Variants in GTF3C2 observed in about 807,000 individuals in gnomAD.
GTF3C2 encodes the protein general transcription factor 3C polypeptide 2.
Under a neutral mutation model 117.4 loss-of-function variants are expected in GTF3C2, and 17 were observed. The observed-to-expected ratio is 0.14, with a 90% CI of 0.10 to 0.22. GTF3C2 has a LOEUF of 0.22. Ranked by LOEUF, GTF3C2 falls within the 10% of genes least tolerant of loss-of-function variation. The pLI is 1.00. For missense variants in GTF3C2, 888 were observed against 1,143.6 expected (o/e 0.78, Z 3.22); for synonymous variants, 437 against 427.0 (o/e 1.02, Z -0.29).
chr2:27,350,140 G>T (rs902481029), intron 1 of GTF3C2, among the ~76,000 whole-genome samples: 2 of 151,888 alleles, frequency 1.3e-5, no homozygotes, highest in Admixed American at 1.3e-4. Context: ...CCCCATATTG[G>T]CTCAGTTGCA....
intron 1 of GTF3C2, among the ~76,000 whole-genome samples, chr2:27,350,941 T>A (rs548855912): frequency 7.5e-6 from 1 of 133,988 alleles, no homozygotes; most frequent in Non-Finnish European, 1.5e-5. Context: ...ACAGCAAGAC[T>A]CCATCTCAAA....
At chr2:27,331,601 C>T (rs774029089) in intron 12 of GTF3C2, among the ~76,000 whole-genome samples, 18 of 151,872 alleles carry the variant, frequency 1.2e-4, no homozygotes, top group Non-Finnish European at 2.4e-4. Flanking sequence ...CTGGGATTAC[C>T]GACATGAGCC....
intron 15 of GTF3C2, 29 bp downstream of exon 15, chr2:27,328,815 T>C (rs1242641074): frequency 6.5e-7 from 1 of 1,531,866 alleles, no homozygotes; most frequent in South Asian, 1.1e-5. Flanking sequence ...TCCTTTGTAA[T>C]GAAGACTGCA....
intron 12 of GTF3C2, 186 bp downstream of exon 12, chr2:27,333,467 ACT>A: frequency 3.7e-6 from 2 of 545,636 alleles, no homozygotes; most frequent in Non-Finnish European, 6.5e-6. Context: ...GCATCTATGT[ACT>A]CTTAATTTTT....
intron 1 of GTF3C2, among the ~76,000 whole-genome samples, chr2:27,350,137 T>C (rs552723322): frequency 1.3e-5 from 2 of 152,094 alleles, no homozygotes; most frequent in Non-Finnish European, 2.9e-5. Flanking sequence ...TCCCCCCATA[T>C]TGGCTCAGTT....
Position 27,340,787 on chromosome 2 carries a change from A to AT in GTF3C2, c.855+1160dup, listed in dbSNP as rs1181361973. On this transcript the variant is annotated intron_variant, in intron 4 of 18. Transcript: ENST00000264720. Reference sequence around the variant, plus strand: ...AGGCGTGCGCCACCACATCCAGCTAATTTTTTTTTTTTTTATTTTTAGTAG... The same window carrying AT: ...AGGCGTGCGCCACCACATCCAGCTAATTTTTTTTTTTTTTTATTTTTAGTAG... 2.0e-3 allele frequency: 290 copies of AT among 143,566 alleles called. 1 individual carries two copies. Among genetic ancestry groups the AT allele is most frequent in the South Asian group, 7.5e-3 (34 of 4,528 alleles). The allele number at this position is 143,566 out of a possible 1,614,324, so 8.9% of individuals were successfully genotyped here.
chr2:27,326,806 G>A (rs762940062), exon 19 of GTF3C2: 3 of 1,613,556 alleles, frequency 1.9e-6, no homozygotes, highest in Non-Finnish European at 2.5e-6. Flanking sequence ...GGGGAGGCGA[G>A]TCCACGGACA....
intron 10 of GTF3C2, 70 bp downstream of exon 10, chr2:27,335,528 G>A (rs1680433797): frequency 5.7e-6 from 5 of 883,278 alleles, no homozygotes; most frequent in South Asian, 1.4e-5. Context: ...AGTTTCCAGG[G>A]AGACAGACAG....
intron 7 of GTF3C2, 124 bp from the exon 8 acceptor site, chr2:27,336,549 T>G (rs775783334): frequency 6.4e-6 from 4 of 626,828 alleles, no homozygotes; most frequent in African/African-American, 1.8e-5. Flanking sequence ...CAAAAACAGT[T>G]TACAAGTGAG....
chr2:27,342,203 T>C, exon 4 of GTF3C2: 1 of 1,613,082 alleles, frequency 6.2e-7, no homozygotes. Flanking sequence ...TTGAGAGCTC[T>C]TCAGCCAGTT....
Position 27,327,926 on chromosome 2 carries a change from G to A in GTF3C2, c.2409+111C>T, listed in dbSNP as rs114627017. The A allele has an allele frequency of 2.2e-3, 1,875 of 855,870 alleles. 20 individuals carry two copies. The African/African-American group carries it at 0.029, about 13-fold the overall frequency. 53.0% of individuals were successfully genotyped at this position (855,870 alleles called of 1,614,324 possible). A position where few individuals can be genotyped will look rare whatever the true frequency, so the allele number is the denominator to read the frequency against. ...CAGGCATGAGCCACTGCACCTGGCC[G>A]AGGCTCCTTAGTTTTACATCTTTGT... On this transcript the variant is annotated intron_variant, in intron 17 of 18. Transcript: ENST00000264720.
chr2:27,326,933 G>A, intron 18 of GTF3C2, 40 bp from the exon 19 acceptor site: 2 of 1,370,244 alleles, frequency 1.5e-6, no homozygotes, highest in East Asian at 2.3e-5. Context: ...ATGCTCATGG[G>A]TGGTGCTTTA....
intron 17 of GTF3C2, 67 bp from the exon 18 acceptor site, chr2:27,327,351 C>G (rs1680115130): frequency 2.5e-6 from 2 of 796,068 alleles, no homozygotes; most frequent in Non-Finnish European, 4.2e-6. Flanking sequence ...AAGACGGAGT[C>G]TCGCTCTGTC....
chr2:27,330,413 GATCACGCCA>G (rs1291136447), intron 12 of GTF3C2, among the ~76,000 whole-genome samples: 1 of 151,448 alleles, frequency 6.6e-6, no homozygotes, highest in Non-Finnish European at 1.5e-5. Flanking sequence ...AGTAAGCCGA[GATCACGCCA>G]GTGCACTCCA....
chr2:27,327,983 C>CTA, intron 17 of GTF3C2, 54 bp downstream of exon 17: 4 of 1,492,188 alleles, frequency 2.7e-6, no homozygotes, highest in Non-Finnish European at 3.7e-6. Context: ...TATACAAAGA[C>CTA]TAAAGTTTTC....
intron 18 of GTF3C2, 55 bp from the exon 19 acceptor site, chr2:27,326,948 G>A: frequency 1.7e-6 from 2 of 1,169,920 alleles, no homozygotes; most frequent in South Asian, 1.3e-5. Context: ...GCTTTAGGGT[G>A]ACTCCTAGCT....
chr2:27,343,243 T>G, intron 2 of GTF3C2, 65 bp downstream of exon 2: 2 of 1,559,866 alleles, frequency 1.3e-6, no homozygotes, highest in Non-Finnish European at 1.8e-6. Flanking sequence ...TCCTATGAGC[T>G]CAATCTGCTC....
intron 10 of GTF3C2, 189 bp downstream of exon 10, chr2:27,335,407 TAC>T (rs1433373466): frequency 1.4e-6 from 1 of 708,964 alleles, no homozygotes; most frequent in East Asian, 2.7e-5. Context: ...GCTGAAAGAG[TAC>T]AGCTGTAAGA....
chr2:27,356,548 C>T (rs939884154), intron 1 of GTF3C2, 191 bp downstream of exon 1: 1 of 205,908 alleles, frequency 4.9e-6, no homozygotes, highest in Non-Finnish European at 1.0e-5. Context: ...GGGGGGTGCA[C>T]GGTGGCCACA....
Sources: gnomAD v4.1 joint callset for allele counts (sites outside exome capture counted in the v4.1 genomes callset) on GRCh38, gnomAD v4.1.1 for gene constraint, MANE v1.5 for transcripts, NCBI Gene and HGNC (gene_info 2026-07-23, HGNC 2026-07-21) for gene names.